Variants in KDM7A observed in about 807,000 individuals in gnomAD.
KDM7A encodes the protein lysine demethylase 7A, also known as lysine-specific demethylase 7A.
In KDM7A, 28 loss-of-function variants were observed where a neutral mutation model predicts 114.8. That is an observed-to-expected ratio of 0.24 (90% CI 0.18 to 0.33). KDM7A has a LOEUF of 0.33. Ranked by LOEUF, KDM7A falls within the 10% of genes least tolerant of loss-of-function variation. KDM7A has a pLI of 1.00. For missense variants in KDM7A, 942 were observed against 1,142.5 expected (o/e 0.82, Z 2.53); for synonymous variants, 423 against 397.8 (o/e 1.06, Z -0.75).
chr7:140,163,064 G>A (rs1261268328), intron 1 of KDM7A, among the ~76,000 whole-genome samples: 2 of 139,872 alleles, frequency 1.4e-5, no homozygotes, highest in African/African-American at 2.7e-5. Flanking sequence ...GCACTATCTC[G>A]GCTCACTGCA....
In KDM7A at chr7:140,176,693, TTGGTCGGTGGCCGGCGGTGGCGGC is replaced by T; in HGVS notation, c.194+27_194+50del. 1 of 1,086,226 alleles carries T rather than the reference TTGGTCGGTGGCCGGCGGTGGCGGC, an allele frequency of 9.2e-7. No homozygotes were observed. Among genetic ancestry groups the T allele is most frequent in the African/African-American group, 1.7e-5 (1 of 57,416 alleles). 67.3% of individuals were successfully genotyped at this position (1,086,226 alleles called of 1,614,324 possible). ...CGCGGGCGGCCGGCGGCGGCGGCGG[TTGGTCGGTGGCCGGCGGTGGCGGC>T]TGCGGGGCTGGAGGGGGTTTATTTA... is the stretch of plus-strand genomic sequence containing the variant. On this transcript the variant is annotated intron_variant, in intron 1 of 19. Coordinates refer to ENST00000397560, the MANE Select transcript of KDM7A (RefSeq NM_030647.2). This position sits in a 1 kb window ranked among gnomAD's most constrained non-coding sequence, Gnocchi z 4.4.
At chr7:140,133,197 G>C (rs566902671) in intron 3 of KDM7A, among the ~76,000 whole-genome samples, 2 of 152,152 alleles carry the variant, frequency 1.3e-5, no homozygotes, top group Admixed American at 1.3e-4. Context: ...AAAACAGGTA[G>C]CAGCTGCATA....
chr7:140,098,857 A>G (rs747235854), intron 14 of KDM7A, 22 bp downstream of exon 14: 6 of 1,582,676 alleles, frequency 3.8e-6, no homozygotes, highest in Non-Finnish European at 8.6e-7. Context: ...AGATCTTTAA[A>G]ATAACCATTA....
intron 1 of KDM7A, among the ~76,000 whole-genome samples, chr7:140,169,232 T>C (rs77213229): frequency 0.013 from 2,007 of 152,274 alleles, 17 homozygotes; most frequent in Middle Eastern, 0.034. Context: ...ACTACAGTAA[T>C]AAAATGTAAT....
chr7:140,143,626 TA>T (rs1335464903), intron 1 of KDM7A, among the ~76,000 whole-genome samples: 1 of 152,058 alleles, frequency 6.6e-6, no homozygotes, highest in Non-Finnish European at 1.5e-5. Context: ...TCAAAAGCAA[TA>T]AATCAGAGAC....
In KDM7A at chr7:140,091,193, A is replaced by G. The variant is rs1402869557; in HGVS notation, c.2732-5T>C. The G allele has an allele frequency of 5.7e-6, 9 of 1,591,876 alleles. No individual in the cohort carries two copies. Among genetic ancestry groups the G allele is most frequent in the Non-Finnish European group, 7.8e-6 (9 of 1,159,742 alleles). On this transcript the variant is annotated splice_region_variant and splice_polypyrimidine_tract_variant and intron_variant, in intron 19 of 19. Transcript: ENST00000397560. ...TTCCTTTTTTTGGACGTTTACCTAT[A>G]AAACACCAAAAGGGAGTGTAAGTAA... is the stretch of plus-strand genomic sequence containing the variant.
intron 1 of KDM7A, among the ~76,000 whole-genome samples, chr7:140,152,946 G>A (rs1196602829): frequency 1.3e-5 from 2 of 151,824 alleles, no homozygotes; most frequent in Admixed American, 6.6e-5. Flanking sequence ...TGCAACCTCT[G>A]CCTCCTGGGT....
chr7:140,143,140 A>C (rs1242993624), intron 1 of KDM7A, among the ~76,000 whole-genome samples: 1 of 150,396 alleles, frequency 6.6e-6, no homozygotes, highest in African/African-American at 2.5e-5. Flanking sequence ...AGATGGTGCC[A>C]CTGCACTCCA....
rs1381391609 is a variant in KDM7A at position 140,126,895 on chromosome 7, T to G, written c.702-72A>C. On this transcript the variant is annotated intron_variant, in intron 5 of 19. Transcript: ENST00000397560. Reference sequence around the variant, plus strand: ...AAATTCTTAAGAATTGTTTTTCTCATCTATTCCCAAACCAAATAATTAAAT... The same window carrying G: ...AAATTCTTAAGAATTGTTTTTCTCAGCTATTCCCAAACCAAATAATTAAAT... 1.3e-5 allele frequency: 15 copies of G among 1,142,220 alleles called. No individual in the cohort carries two copies. In the East Asian group the frequency reaches 3.3e-4, roughly 25 times the overall value. 70.8% of individuals were successfully genotyped at this position (1,142,220 alleles called of 1,614,324 possible). A position where few individuals can be genotyped will look rare whatever the true frequency, so the allele number is the denominator to read the frequency against.
At chr7:140,156,101 A>C (rs1039365865) in intron 1 of KDM7A, among the ~76,000 whole-genome samples, 3 of 152,352 alleles carry the variant, frequency 2.0e-5, no homozygotes, top group African/African-American at 7.2e-5. Context: ...TTGAAAAAGA[A>C]GGGATTCTAA....
At chr7:140,113,129 G>A (rs1344064319) in intron 10 of KDM7A, among the ~76,000 whole-genome samples, 2 of 152,226 alleles carry the variant, frequency 1.3e-5, no homozygotes, top group Non-Finnish European at 2.9e-5. Flanking sequence ...ACCTCACACA[G>A]TTGGCATTGA....
At chr7:140,108,064 C>T (rs899417493) in intron 11 of KDM7A, among the ~76,000 whole-genome samples, 8 of 152,154 alleles carry the variant, frequency 5.3e-5, no homozygotes, top group African/African-American at 1.2e-4. Flanking sequence ...TTGATCAAAT[C>T]GGCTACCGAA....
intron 1 of KDM7A, among the ~76,000 whole-genome samples, chr7:140,141,090 C>T (rs984773799): frequency 1.3e-5 from 2 of 152,020 alleles, no homozygotes; most frequent in Admixed American, 6.5e-5. Context: ...TTAACAAAAA[C>T]TATGCAAAGC....
chr7:140,127,260 A>G (rs1163839293), intron 5 of KDM7A, among the ~76,000 whole-genome samples, 182 bp downstream of exon 5: 1 of 152,248 alleles, frequency 6.6e-6, no homozygotes, highest in Non-Finnish European at 1.5e-5. Context: ...GTGCCCAGCC[A>G]AAAGTTTAAA....
intron 9 of KDM7A, among the ~76,000 whole-genome samples, chr7:140,113,825 G>A (rs185512114): frequency 2.6e-5 from 4 of 152,196 alleles, no homozygotes; most frequent in Admixed American, 1.3e-4. Context: ...TAATTTTTTT[G>A]TGTAGAGATG....
chr7:140,133,959 C>T (rs1818830914), intron 2 of KDM7A, among the ~76,000 whole-genome samples: 1 of 152,122 alleles, frequency 6.6e-6, no homozygotes, highest in Non-Finnish European at 1.5e-5. Context: ...ATACAATTTC[C>T]AAATTATATA....
chr7:140,121,395 T>C (rs1418414107), intron 7 of KDM7A, among the ~76,000 whole-genome samples: 1 of 152,200 alleles, frequency 6.6e-6, no homozygotes, highest in African/African-American at 2.4e-5. Flanking sequence ...TTTTGACCCC[T>C]CACTGAACTG....
At chr7:140,175,450 T>C (rs1414899023) in intron 1 of KDM7A, among the ~76,000 whole-genome samples, 4 of 152,146 alleles carry the variant, frequency 2.6e-5, no homozygotes, top group Non-Finnish European at 5.9e-5. Context: ...ATATCTGCTA[T>C]TACTCGTGAG....
chr7:140,101,155 G>A (rs1397272691), intron 12 of KDM7A, among the ~76,000 whole-genome samples: 3 of 151,888 alleles, frequency 2.0e-5, no homozygotes. Context: ...ATTTAAAATG[G>A]CTGCTTATCC....
Sources: allele counts gnomAD v4.1 joint callset (sites outside exome capture counted in the v4.1 genomes callset), GRCh38; gene constraint gnomAD v4.1.1; non-coding constraint Gnocchi (gnomAD v3.1); transcripts MANE v1.5; gene names NCBI Gene and HGNC (gene_info 2026-07-23, HGNC 2026-07-21).